PLCE1: variants seen among roughly 807,000 people sequenced by gnomAD.
The protein encoded by PLCE1 is phospholipase C epsilon 1.
In PLCE1, 119 loss-of-function variants were observed where a neutral mutation model predicts 242.8. That is an observed-to-expected ratio of 0.49 (90% CI 0.42 to 0.57). The LOEUF (loss-of-function observed/expected upper bound fraction) is 0.57, where lower values mean the gene tolerates loss of function less well. PLCE1 is among the 20% of genes least tolerant of loss of function. The pLI is 0.00. For synonymous variants in PLCE1, 945 were observed against 1,017.4 expected (o/e 0.93, Z 1.35); for missense variants, 2,441 against 2,788.8 (o/e 0.88, Z 2.81).
chr10:94,321,733 T>C (rs759558663), intron 29 of PLCE1, among the ~76,000 whole-genome samples, 168 bp from the exon 30 acceptor site: 2 of 152,094 alleles, frequency 1.3e-5, no homozygotes, highest in Admixed American at 6.5e-5. Context: ...TCTCAGGAGA[T>C]AGGTATATCC....
intron 4 of PLCE1, among the ~76,000 whole-genome samples, chr10:94,224,618 G>A (rs913389919): frequency 6.6e-6 from 1 of 152,188 alleles, no homozygotes; most frequent in Admixed American, 6.5e-5. Flanking sequence ...TGTGAGAAGT[G>A]TTTGAATTTC....
At chr10:94,287,406 A>G (rs1485244321) in intron 22 of PLCE1, 2 of 150,736 alleles carry the variant, frequency 1.3e-5, no homozygotes, top group Non-Finnish European at 2.9e-5. Context: ...ATTTTGCTAC[A>G]TTATCAATTT....
intron 8 of PLCE1, among the ~76,000 whole-genome samples, chr10:94,249,049 C>T (rs1446231355): frequency 1.3e-5 from 2 of 152,138 alleles, no homozygotes; most frequent in Non-Finnish European, 2.9e-5. Flanking sequence ...CAGCTCCACC[C>T]TCCCCCACCA....
intron 2 of PLCE1, among the ~76,000 whole-genome samples, chr10:94,086,596 G>T (rs1182432467): frequency 6.6e-6 from 1 of 152,188 alleles, no homozygotes; most frequent in Non-Finnish European, 1.5e-5. Context: ...TGGAGGATAG[G>T]CCCATATGTC....
chr10:94,094,543 AT>A (rs1326760338), intron 2 of PLCE1: 1 of 152,252 alleles, frequency 6.6e-6, no homozygotes, highest in Non-Finnish European at 1.5e-5. Context: ...AGGAAGTCAT[AT>A]CCTGCAAGAC....
chr10:94,004,589 A>G (rs187303023), intron 1 of PLCE1, among the ~76,000 whole-genome samples: 16 of 152,360 alleles, frequency 1.1e-4, no homozygotes, highest in Non-Finnish European at 1.8e-4. Flanking sequence ...ATCTGAGCCC[A>G]AGATGTAAGA....
At chr10:94,301,883 A>G (rs1239596712) in intron 24 of PLCE1, among the ~76,000 whole-genome samples, 1 of 150,818 alleles carries the variant, frequency 6.6e-6, no homozygotes, top group Non-Finnish European at 1.5e-5. Context: ...TAAAGAATTT[A>G]TTAAGCTTTT....
chr10:94,163,106 G>A (rs2047672467), intron 3 of PLCE1, among the ~76,000 whole-genome samples: 1 of 152,206 alleles, frequency 6.6e-6, no homozygotes, highest in Admixed American at 6.5e-5. Context: ...TAGGTGTGGT[G>A]TGGTGCTGAA....
chr10:94,031,575 A>G lies in PLCE1; in HGVS notation c.529A>G (p.Arg177Gly), dbSNP rs1410133165. 6.2e-7 allele frequency: 1 copy of G among 1,612,610 alleles called. No homozygotes were observed. The highest frequency in any genetic ancestry group is 1.1e-5 in the South Asian group (1 of 91,076). ...GNQSVIIETG[R>G]AHPDSRRAVF... ...TCAGTCAGTGATCATAGAGACAGGC[A>G]GAGCACACCCTGACAGCAGAAGGGC... The change falls in exon 2 of 33, where the codon AGA (arginine) becomes GGA (glycine). Residue 177 changes from arginine (R) to glycine (G), a missense_variant. Coordinates refer to ENST00000371380, the MANE Select transcript of PLCE1 (RefSeq NM_016341.4).
intron 3 of PLCE1, among the ~76,000 whole-genome samples, chr10:94,154,257 T>C (rs890908669): frequency 2.6e-5 from 4 of 152,202 alleles, no homozygotes; most frequent in African/African-American, 9.6e-5. Context: ...CTGGGGAAAC[T>C]GGATATCCAT....
chr10:94,140,319 G>C (rs2135996642), intron 3 of PLCE1, among the ~76,000 whole-genome samples: 1 of 151,916 alleles, frequency 6.6e-6, no homozygotes, highest in East Asian at 1.9e-4. Flanking sequence ...CATCACTTGA[G>C]GTCAGAAGTT....
intron 4 of PLCE1, among the ~76,000 whole-genome samples, chr10:94,187,179 T>TGTGTGTGTGTGTGTGC (rs1423525783): frequency 6.7e-6 from 1 of 149,100 alleles, no homozygotes; most frequent in African/African-American, 2.5e-5. Context: ...TGTGTGTGTG[T>TGTGTGTGTGTGTGTGC]GTGCGTGCAC....
intron 2 of PLCE1, among the ~76,000 whole-genome samples, chr10:94,071,496 T>TTTTTTTG (rs1554848884): frequency 1.8e-5 from 1 of 54,438 alleles, no homozygotes; most frequent in East Asian, 8.5e-4. Context: ...TTGGTTTTCG[T>TTTTTTTG]TTTTTTTTTT....
At chr10:94,025,758 G>C (rs998878245) in intron 1 of PLCE1, among the ~76,000 whole-genome samples, 6 of 152,040 alleles carry the variant, frequency 3.9e-5, no homozygotes, top group African/African-American at 1.4e-4. Context: ...GAAAGAATAT[G>C]AGATGAGCCC....
At chr10:94,156,201 G>T (rs554496198) in intron 3 of PLCE1, among the ~76,000 whole-genome samples, 2 of 152,070 alleles carry the variant, frequency 1.3e-5, no homozygotes, top group African/African-American at 4.8e-5. Flanking sequence ...TGTATTCTCC[G>T]TCTCTCCTGA....
At chr10:94,282,793 G>A (rs2052288840) in intron 20 of PLCE1, among the ~76,000 whole-genome samples, 1 of 152,092 alleles carries the variant, frequency 6.6e-6, no homozygotes, top group Non-Finnish European at 1.5e-5. Context: ...TTCTGTAGCA[G>A]ATGTCCTTAC....
intron 2 of PLCE1, among the ~76,000 whole-genome samples, chr10:94,051,386 A>G (rs990933862): frequency 3.3e-5 from 5 of 151,212 alleles, no homozygotes; most frequent in Admixed American, 2.0e-4. Flanking sequence ...AGAACCGTGC[A>G]TGAAGATTTT....
At chr10:94,052,798 G>A (rs2043800885) in intron 2 of PLCE1, among the ~76,000 whole-genome samples, 1 of 152,088 alleles carries the variant, frequency 6.6e-6, no homozygotes, top group African/African-American at 2.4e-5. Context: ...TACATATAAA[G>A]AGCAATTACT....
In PLCE1 at chr10:94,146,348, A is replaced by C. The variant is rs546454780; in HGVS notation, c.1492+13889A>C. Among the ~76,000 whole-genome samples, 241 of 152,268 alleles carry C rather than the reference A, an allele frequency of 1.6e-3. 1 individual carries two copies. Among genetic ancestry groups the C allele is most frequent in the Middle Eastern group, 3.4e-3 (1 of 294 alleles). On this transcript the variant is annotated intron_variant, in intron 3 of 32. Coordinates refer to ENST00000371380, the MANE Select transcript of PLCE1 (RefSeq NM_016341.4). ...CCGGGAGAAAAATGAAATGCAATAA[A>C]AATTAGAGTCAGTTAAGAATGGAGG...
Sources: gnomAD v4.1 joint callset for allele counts (sites outside exome capture counted in the v4.1 genomes callset) on GRCh38, gnomAD v4.1.1 for gene constraint, MANE v1.5 for transcripts, NCBI Gene and HGNC (gene_info 2026-07-23, HGNC 2026-07-21) for gene names.